The following DNAI2 variants were observed in gnomAD, a reference collection of about 807,000 sequenced individuals.
The protein encoded by DNAI2 is dynein, axonemal, intermediate polypeptide 2.
Under a neutral mutation model 74.7 loss-of-function variants are expected in DNAI2, and 63 were observed. The ratio of observed to expected loss-of-function variants is 0.84; its 90% CI spans 0.69 to 1.04. The LOEUF (loss-of-function observed/expected upper bound fraction) is 1.04. Ranked by LOEUF, DNAI2 falls within the 50% of genes least tolerant of loss-of-function variation. The pLI is 0.00. For missense variants in DNAI2, 688 were observed against 803.2 expected (o/e 0.86, Z 1.73); for synonymous variants, 289 against 314.9 (o/e 0.92, Z 0.87).
chr17:74,288,874 G>A (rs2051913705), intron 4 of DNAI2, among the ~76,000 whole-genome samples: 1 of 152,184 alleles, frequency 6.6e-6, no homozygotes, highest in Non-Finnish European at 1.5e-5. Context: ...GGGGAAATGC[G>A]GAGGGGAAGC....
At chr17:74,311,499 G>C (rs2053526056) in intron 11 of DNAI2, among the ~76,000 whole-genome samples, 1 of 152,224 alleles carries the variant, frequency 6.6e-6, no homozygotes, top group Non-Finnish European at 1.5e-5. Context: ...TGTAATCCCA[G>C]CTCCTTGAGA....
chr17:74,278,154 G>A lies in DNAI2; in HGVS notation c.-11-3653G>A, dbSNP rs372129512. ...CTCCAGGCCTCAGTTTCTTCATCTC[G>A]AAAATGGGCTCATGCCTATAATCCC... is the stretch of plus-strand genomic sequence containing the variant. On this transcript the variant is annotated intron_variant, in intron 1 of 13. Coordinates refer to ENST00000311014, the MANE Select transcript of DNAI2 (RefSeq NM_023036.6). Among the ~76,000 whole-genome samples the A allele has an allele frequency of 1.1e-4, 16 of 152,126 alleles. No homozygotes were observed. In the East Asian group the frequency reaches 1.4e-3, roughly 13 times the overall value.
intron 11 of DNAI2, among the ~76,000 whole-genome samples, chr17:74,311,393 C>T (rs913091952): frequency 6.6e-6 from 1 of 152,086 alleles, no homozygotes; most frequent in African/African-American, 2.4e-5. Flanking sequence ...GCGGGCAGAT[C>T]ACCTGAGGTC....
At chr17:74,287,181 G>A (rs761640702) in intron 4 of DNAI2, 83 bp downstream of exon 4, 45 of 1,568,212 alleles carry the variant, frequency 2.9e-5, no homozygotes, top group East Asian at 1.6e-4. Context: ...CCTTGCCATC[G>A]CTGCATGCCC....
intron 6 of DNAI2, among the ~76,000 whole-genome samples, chr17:74,296,902 T>C (rs2144005148): frequency 6.6e-6 from 1 of 152,266 alleles, no homozygotes; most frequent in Non-Finnish European, 1.5e-5. Context: ...CTTACCAAGA[T>C]TCTGCTGTTT....
intron 6 of DNAI2, among the ~76,000 whole-genome samples, chr17:74,297,403 T>C (rs2052512446): frequency 6.6e-6 from 1 of 150,724 alleles, no homozygotes; most frequent in African/African-American, 2.4e-5. Context: ...TTTTTTTTTT[T>C]TTTTTGAGAC....
chr17:74,294,298 C>CTTTTTTTTTTTTTT (rs113049803), intron 6 of DNAI2, among the ~76,000 whole-genome samples: 3 of 139,680 alleles, frequency 2.1e-5, no homozygotes, highest in Admixed American at 1.4e-4. Flanking sequence ...CTTATCATTT[C>CTTTTTTTTTTTTTT]TTTTTTTTTT....
intron 11 of DNAI2, among the ~76,000 whole-genome samples, chr17:74,310,371 A>G (rs950174654): frequency 1.3e-5 from 2 of 151,042 alleles, no homozygotes; most frequent in African/African-American, 2.4e-5. Flanking sequence ...AGTGGCCTTC[A>G]GTAAGTCACG....
At chr17:74,291,231 G>T in intron 6 of DNAI2, 98 bp downstream of exon 6, 1 of 981,458 alleles carries the variant, frequency 1.0e-6, no homozygotes, top group Non-Finnish European at 1.6e-6. Flanking sequence ...TGCAATTTTG[G>T]CTCACTGCAA....
chr17:74,284,794 A>G (rs1372586358), intron 2 of DNAI2, among the ~76,000 whole-genome samples: 1 of 152,230 alleles, frequency 6.6e-6, no homozygotes, highest in East Asian at 1.9e-4. Flanking sequence ...AGGTCAGAAC[A>G]GGATTTTCAT....
intron 3 of DNAI2, among the ~76,000 whole-genome samples, chr17:74,285,722 C>T (rs1405536899): frequency 3.3e-5 from 5 of 152,152 alleles, no homozygotes; most frequent in African/African-American, 1.2e-4. Flanking sequence ...GAGACATCAC[C>T]AGATAACATA....
chr17:74,281,672 TC>T lies in DNAI2; in HGVS notation c.-11-133del. ...ATGCGGATGCAGCTTCTGGACAAATTCCTAGGATCTCCCCACCACCCCTTGC... is the reference window on the plus strand; with the variant it reads ...ATGCGGATGCAGCTTCTGGACAAATTCTAGGATCTCCCCACCACCCCTTGC... On this transcript the variant is annotated intron_variant, in intron 1 of 13. Coordinates refer to ENST00000311014, the MANE Select transcript of DNAI2 (RefSeq NM_023036.6). 3 of 789,284 alleles carry T rather than the reference TC, an allele frequency of 3.8e-6. No individual in the cohort carries two copies. The South Asian group carries it at 4.8e-5, about 13-fold the overall frequency. 48.9% of individuals were successfully genotyped at this position (789,284 alleles called of 1,614,324 possible).
chr17:74,274,847 G>T (rs557692864), intron 1 of DNAI2, among the ~76,000 whole-genome samples: 1 of 152,242 alleles, frequency 6.6e-6, no homozygotes, highest in East Asian at 1.9e-4. Flanking sequence ...CTGGGAGCTG[G>T]CGTTCTCGTG....
chr17:74,290,971 G>A, intron 5 of DNAI2, 49 bp from the exon 6 acceptor site: 3 of 1,543,076 alleles, frequency 1.9e-6, no homozygotes, highest in Admixed American at 1.7e-5. Flanking sequence ...GGTTGATCCT[G>A]TCCTTTTCTT....
intron 6 of DNAI2, among the ~76,000 whole-genome samples, chr17:74,291,810 C>T (rs1349575458): frequency 6.6e-6 from 1 of 151,890 alleles, no homozygotes; most frequent in African/African-American, 2.4e-5. Flanking sequence ...TAATACTGGC[C>T]TTATAGAATG....
intron 8 of DNAI2, 133 bp downstream of exon 8, chr17:74,301,301 A>G (rs2052746617): frequency 7.5e-7 from 1 of 1,332,496 alleles, no homozygotes; most frequent in South Asian, 1.2e-5. Flanking sequence ...CACTGCAGCC[A>G]TCCTAGACGT....
rs1039088782 is a variant in DNAI2, at chr17:74,309,787, C to G, written c.1348-230C>G. On this transcript the variant is annotated intron_variant, in intron 10 of 13. Coordinates refer to ENST00000311014, the MANE Select transcript of DNAI2 (RefSeq NM_023036.6). The stretch of plus-strand genomic sequence containing the variant: ...ACGGAAGGGTGGGGGCATTGGGGAA[C>G]CACAGGGTGACTGTGAGGCGGAACT... The G allele has an allele frequency of 1.2e-5, 8 of 659,766 alleles. No homozygotes were observed. The African/African-American group carries it at 1.4e-4, about 12-fold the overall frequency. 40.9% of individuals were successfully genotyped at this position (659,766 alleles called of 1,614,324 possible).
chr17:74,282,429 T>C (rs1180292311), intron 2 of DNAI2, among the ~76,000 whole-genome samples: 1 of 152,142 alleles, frequency 6.6e-6, no homozygotes, highest in African/African-American at 2.4e-5. Context: ...GCCTCCCTGG[T>C]AGCTGGGACT....
intron 1 of DNAI2, among the ~76,000 whole-genome samples, chr17:74,279,901 C>G (rs2051298684): frequency 6.6e-6 from 1 of 152,188 alleles, no homozygotes; most frequent in South Asian, 2.1e-4. Flanking sequence ...TTATCTTCCT[C>G]CCACCAGCAC....
Sources: allele counts gnomAD v4.1 joint callset (sites outside exome capture counted in the v4.1 genomes callset), GRCh38; gene constraint gnomAD v4.1.1; transcripts MANE v1.5; gene names NCBI Gene and HGNC (gene_info 2026-07-23, HGNC 2026-07-21).